LRRC7: variants seen among roughly 807,000 people sequenced by gnomAD.
LRRC7 encodes leucine rich repeat containing 7.
LRRC7 carries 23 observed loss-of-function variants against 175.7 expected under a neutral mutation model. That is an observed-to-expected ratio of 0.13 (90% CI 0.09 to 0.19). The LOEUF is 0.19. LRRC7 is among the 10% of genes least tolerant of loss of function. The pLI, the probability that LRRC7 is intolerant of heterozygous loss-of-function variation, is 1.00. For missense variants in LRRC7, 1,354 were observed against 1,904.7 expected, an observed-to-expected ratio of 0.71 and a Z score of 5.38; for synonymous variants, 685 against 680.9, an observed-to-expected ratio of 1.01 and a Z score of -0.09.
chr1:69,970,334 C>T (rs996833452), intron 8 of LRRC7, among the ~76,000 whole-genome samples: 8 of 151,886 alleles, frequency 5.3e-5, no homozygotes, highest in Non-Finnish European at 8.8e-5. Context: ...ACAAATATAA[C>T]AAAAAACTGG....
chr1:69,744,920 T>A (rs549264812), intron 2 of LRRC7, among the ~76,000 whole-genome samples: 2 of 152,024 alleles, frequency 1.3e-5, no homozygotes, highest in East Asian at 1.9e-4. Context: ...GTCTTCAACA[T>A]GTAAAGATGT....
At chr1:70,000,451 T>C (rs538260689) in intron 11 of LRRC7, among the ~76,000 whole-genome samples, 1 of 152,326 alleles carries the variant, frequency 6.6e-6, no homozygotes, top group South Asian at 2.1e-4. Flanking sequence ...TACATACATC[T>C]GTAATGGTCA....
At chr1:70,052,639 A>G (rs1408301119) in intron 22 of LRRC7, among the ~76,000 whole-genome samples, 2 of 152,048 alleles carry the variant, frequency 1.3e-5, no homozygotes, top group Non-Finnish European at 2.9e-5. Context: ...TATTCTATGT[A>G]TTGTATGGTT....
intron 1 of LRRC7, among the ~76,000 whole-genome samples, chr1:69,598,687 G>A (rs991768725): frequency 2.0e-5 from 3 of 152,026 alleles, no homozygotes; most frequent in Non-Finnish European, 4.4e-5. Flanking sequence ...AAATATATAG[G>A]CACCATGATC....
chr1:69,887,657 G>A (rs1041211342), intron 7 of LRRC7, among the ~76,000 whole-genome samples: 40 of 152,244 alleles, frequency 2.6e-4, no homozygotes, highest in African/African-American at 7.7e-4. Context: ...TCCGTTGCTG[G>A]TGAGGAACTG....
At position 70,122,129 on chromosome 1, in the gene LRRC7, C is replaced by T. The variant is rs1220814692; in HGVS notation, c.*242C>T. The T allele has an allele frequency of 3.2e-6, 1 of 314,974 alleles. No individual in the cohort carries two copies. Among genetic ancestry groups the T allele is most frequent in the Non-Finnish European group, 5.8e-6 (1 of 173,492 alleles). The allele number at this position is 314,974 out of a possible 1,614,324, so 19.5% of individuals were successfully genotyped here. On this transcript the variant is annotated 3_prime_UTR_variant, in exon 27 of 27. Coordinates refer to ENST00000651989, the MANE Select transcript of LRRC7 (RefSeq NM_001370785.2). The stretch of plus-strand genomic sequence containing the variant: ...GCTGTGCATTGGTGCAGTTTTGTTT[C>T]TGTTTTTGTTTTTGTTTTTAATCAA...
chr1:69,626,546 C>A (rs1456036330), intron 1 of LRRC7, among the ~76,000 whole-genome samples: 1 of 151,484 alleles, frequency 6.6e-6, no homozygotes, highest in African/African-American at 2.4e-5. Flanking sequence ...TCTTATAATA[C>A]TTTATTTTAA....
At chr1:69,709,526 C>A (rs1382285082) in intron 2 of LRRC7, among the ~76,000 whole-genome samples, 1 of 152,174 alleles carries the variant, frequency 6.6e-6, no homozygotes, top group African/African-American at 2.4e-5. Flanking sequence ...TGACAAGAGT[C>A]TTCTCTAGCT....
chr1:69,893,840 A>G (rs902062750), intron 7 of LRRC7, among the ~76,000 whole-genome samples: 11 of 152,042 alleles, frequency 7.2e-5, no homozygotes, highest in African/African-American at 2.4e-4. Flanking sequence ...AGTCCTCTCA[A>G]TGAGCTCTTG....
At chr1:69,645,925 C>T (rs1654941636) in intron 1 of LRRC7, among the ~76,000 whole-genome samples, 2 of 151,782 alleles carry the variant, frequency 1.3e-5, no homozygotes. Flanking sequence ...TTTCTTGTTC[C>T]AGATTGCAAA....
At chr1:69,851,199 A>G (rs1307167737) in intron 7 of LRRC7, among the ~76,000 whole-genome samples, 1 of 152,184 alleles carries the variant, frequency 6.6e-6, no homozygotes, top group Non-Finnish European at 1.5e-5. Flanking sequence ...GAGGAGTTTG[A>G]TAAGAGCTAT....
At chr1:70,005,838 C>A (rs1655950545) in intron 11 of LRRC7, among the ~76,000 whole-genome samples, 1 of 152,160 alleles carries the variant, frequency 6.6e-6, no homozygotes, top group Non-Finnish European at 1.5e-5. Flanking sequence ...TCATAATCTG[C>A]ATTTTATTAA....
At position 69,994,646 on chromosome 1, in the gene LRRC7, T is replaced by A; in HGVS notation, c.1004+13T>A. On this transcript the variant is annotated intron_variant, in intron 11 of 26. Coordinates refer to ENST00000651989, the MANE Select transcript of LRRC7 (RefSeq NM_001370785.2). ...ATACAATTGGAAAGTAAGTGCCAAC[T>A]TTTCATTCCAGTCTGCCTCTCAAAA... The A allele has an allele frequency of 6.3e-7, 1 of 1,588,924 alleles. No individual in the cohort carries two copies. Among genetic ancestry groups the A allele is most frequent in the Non-Finnish European group, 8.6e-7 (1 of 1,159,300 alleles).
At chr1:69,848,208 A>G (rs985965875) in intron 7 of LRRC7, among the ~76,000 whole-genome samples, 1 of 152,106 alleles carries the variant, frequency 6.6e-6, no homozygotes, top group African/African-American at 2.4e-5. Flanking sequence ...TTACTCAGAA[A>G]TATAATAAGC....
chr1:69,839,969 T>C (rs1271486638), intron 7 of LRRC7, among the ~76,000 whole-genome samples: 1 of 152,006 alleles, frequency 6.6e-6, no homozygotes, highest in African/African-American at 2.4e-5. Context: ...TAAACAGAAT[T>C]AAATTAAGTA....
At chr1:70,045,590 T>C (rs959214005) in intron 22 of LRRC7, among the ~76,000 whole-genome samples, 4 of 152,186 alleles carry the variant, frequency 2.6e-5, no homozygotes, top group Non-Finnish European at 4.4e-5. Flanking sequence ...ATAGATGAGA[T>C]ATCACAACTT....
chr1:69,687,520 C>CAAAAA (rs551726376), intron 2 of LRRC7, among the ~76,000 whole-genome samples: 37 of 96,872 alleles, frequency 3.8e-4, no homozygotes, highest in Middle Eastern at 8.2e-3. Flanking sequence ...AAGAAAAAAC[C>CAAAAA]AAAAAAAAAA....
chr1:69,717,769 A>AG (rs1557640367), intron 2 of LRRC7, among the ~76,000 whole-genome samples: 3 of 64,178 alleles, frequency 4.7e-5, no homozygotes, highest in African/African-American at 2.6e-4. Context: ...AAAAAAAGAA[A>AG]AAAAGAAAGA....
At chr1:70,099,499 G>T (rs947951938) in intron 25 of LRRC7, among the ~76,000 whole-genome samples, 4 of 151,322 alleles carry the variant, frequency 2.6e-5, no homozygotes, top group African/African-American at 9.7e-5. Flanking sequence ...AGGAAATAAA[G>T]GCTATTCAAT....
Sources: allele counts gnomAD v4.1 joint callset (sites outside exome capture counted in the v4.1 genomes callset), GRCh38; gene constraint gnomAD v4.1.1; transcripts MANE v1.5; gene names NCBI Gene and HGNC (gene_info 2026-07-23, HGNC 2026-07-21).